KMT2B: variants seen among roughly 807,000 people sequenced by gnomAD.
KMT2B encodes the protein histone-lysine N-methyltransferase 2B.
Under a neutral mutation model 255.3 loss-of-function variants are expected in KMT2B, and 22 were observed. The ratio of observed to expected loss-of-function variants is 0.09; its 90% confidence interval spans 0.06 to 0.12. The LOEUF (loss-of-function observed/expected upper bound fraction) is 0.12. Ranked by LOEUF, KMT2B falls within the 10% of genes least tolerant of loss-of-function variation. The pLI is 1.00. For missense variants in KMT2B, 3,149 were observed against 3,737.0 expected (o/e 0.84, Z 4.10); for synonymous variants, 1,730 against 1,498.1 (o/e 1.15, Z -3.57).
At chr19:35,735,069 C>T (rs1216416815) in intron 30 of KMT2B, among the ~76,000 whole-genome samples, 1 of 152,086 alleles carries the variant, frequency 6.6e-6, no homozygotes, top group Non-Finnish European at 1.5e-5. Context: ...GAGCACCTGC[C>T]AGGGTCCTGT....
At position 35,723,331 on chromosome 19, in the gene KMT2B, CCTCA is replaced by C; in HGVS notation, c.3002+61_3002+64del. 1 of 1,580,336 alleles carries C rather than the reference CCTCA, an allele frequency of 6.3e-7. No homozygotes were observed. On this transcript the variant is annotated intron_variant, in intron 6 of 36. Transcript: ENST00000420124. This position sits in a 1 kb window ranked among gnomAD's most constrained non-coding sequence, Gnocchi z 7.5. ...GGTTGTTGGTCCCCTAGGCTTCCTA[CCTCA>C]CTCCTCTTCTGCCTGGCCAGAGCAG...
intron 22 of KMT2B, among the ~76,000 whole-genome samples, chr19:35,729,690 G>T (rs2146460824): frequency 6.6e-6 from 1 of 152,216 alleles, no homozygotes; most frequent in African/African-American, 2.4e-5. Flanking sequence ...CCCACTGCGG[G>T]GGTATCTGTG....
At position 35,723,093 on chromosome 19, in the gene KMT2B, T is replaced by C; in HGVS notation, c.2821T>C (p.Ser941Pro). The change falls in exon 6 of 37, where the codon TCT becomes CCT. Residue 941 changes from serine to proline, a missense_variant. Physicochemically the swap from Ser to Pro is moderately conservative, Grantham distance 74 (BLOSUM62 -1). Transcript: ENST00000420124. This position sits in a 1 kb window ranked among gnomAD's most constrained non-coding sequence, Gnocchi z 7.5. Reference protein sequence around the residue: ...GPGGESEPTGSGGTLAHTPRR... With the variant: ...GPGGESEPTGPGGTLAHTPRR... The stretch of plus-strand genomic sequence containing the variant: ...TGGGGGAGAATCAGAGCCCACAGGT[T>C]CTGGAGGGACCCTGGCCCACACACC... 6.2e-7 allele frequency: 1 copy of C among 1,612,978 alleles called. No individual in the cohort carries two copies. Among genetic ancestry groups the C allele is most frequent in the African/African-American group, 1.3e-5 (1 of 74,920 alleles).
Position 35,721,204 on chromosome 19 carries a change from CCCTCCTCCCCCAGCCCCT to C in KMT2B, c.1860_1877del (p.Pro626_Pro631del). On this transcript the variant is annotated inframe_deletion, in exon 3 of 37. Transcript: ENST00000420124. ...GGACCTCACTGACCCGGGAGCTGCC[CCCTCCTCCCCCAGCCCCT>C]CCACCTCCCCCGGCCCCCTCCCCAC... The C allele has an allele frequency of 2.0e-6, 3 of 1,533,570 alleles. No homozygotes were observed. The highest frequency in any genetic ancestry group is 1.2e-5 in the South Asian group (1 of 83,520). The allele number at this position is 1,533,570 out of a possible 1,614,324, so 95.0% of individuals were successfully genotyped here.
In KMT2B at chr19:35,728,992, G is replaced by C. The variant is rs778610918; in HGVS notation, c.4695G>C (p.Gln1565His). 1.2e-6 allele frequency: 2 copies of C among 1,613,984 alleles called. No homozygotes were observed. The highest frequency in any genetic ancestry group is 1.7e-5 in the Admixed American group (1 of 60,028). ...QPPGDPSAAF[Q>H]GKDPAAFSHL... ...TTCACATTTCCTCTTCAGCATTCCA[G>C]GGCAAGGATCCGGCTGCCTTCTCAC... The change falls in exon 21 of 37, where the codon CAG becomes CAC. Residue 1565 changes from glutamine to histidine, a missense_variant. This residue lies in a region of KMT2B where 377 missense variants were observed against 471.0 expected (regional missense o/e 0.80). Coordinates refer to ENST00000420124, the MANE Select transcript of KMT2B (RefSeq NM_014727.3).
intron 14 of KMT2B, among the ~76,000 whole-genome samples, chr19:35,726,751 A>C (rs762807155): frequency 2.0e-5 from 3 of 152,174 alleles, no homozygotes; most frequent in Non-Finnish European, 2.9e-5. Flanking sequence ...TGGAAGGCTG[A>C]GGCAGGTGGA....
In KMT2B at chr19:35,723,095, T is replaced by C; in HGVS notation, c.2823T>C (p.Ser941=). 6.2e-7 allele frequency: 1 copy of C among 1,613,254 alleles called. No individual in the cohort carries two copies. Among genetic ancestry groups the C allele is most frequent in the Non-Finnish European group, 8.5e-7 (1 of 1,179,834 alleles). ...GGGGAGAATCAGAGCCCACAGGTTC[T>C]GGAGGGACCCTGGCCCACACACCCC... ...GPGGESEPTG[S]GGTLAHTPRR... is the part of the protein sequence containing the mutation. The change falls in exon 6 of 37, where the codon TCT becomes TCC. Residue 941 remains serine (S), a synonymous_variant. Transcript: ENST00000420124. This position sits in a 1 kb window ranked among gnomAD's most constrained non-coding sequence, Gnocchi z 7.5.
Position 35,723,294 on chromosome 19 carries a change from C to T in KMT2B, c.3002+20C>T. 6.2e-7 allele frequency: 1 copy of T among 1,603,504 alleles called. No individual in the cohort carries two copies. The highest frequency in any genetic ancestry group is 8.5e-7 in the Non-Finnish European group (1 of 1,172,696). On this transcript the variant is annotated intron_variant, in intron 6 of 36. Transcript: ENST00000420124. This position sits in a 1 kb window ranked among gnomAD's most constrained non-coding sequence, Gnocchi z 7.5. ...CTGTGTGTGAGTAGCTGGGGCGTGA[C>T]CTCATTCCCGTGGTTGTTGGTCCCC...
Sources: gnomAD v4.1 joint callset for allele counts (sites outside exome capture counted in the v4.1 genomes callset) on GRCh38, gnomAD v4.1.1 for gene constraint, gnomAD v4.1.1 regional missense constraint, Gnocchi (gnomAD v3.1) non-coding constraint, MANE v1.5 for transcripts, NCBI Gene and HGNC (gene_info 2026-07-23, HGNC 2026-07-21) for gene names.